The following DEPTOR variants were observed in gnomAD, a reference collection of about 807,000 sequenced individuals.
DEPTOR encodes DEP domain containing MTOR interacting protein, also known as DEP domain-containing mTOR-interacting protein.
A neutral mutation model predicts 41.6 loss-of-function variants in DEPTOR; 41 were observed. The observed-to-expected ratio is 0.98, with a 90% CI of 0.77 to 1.28. DEPTOR has a LOEUF of 1.28. DEPTOR is among the 50% of genes most tolerant of loss of function. The probability of loss-of-function intolerance (pLI) is 0.00; values close to 1 mark genes in which losing one functional copy is unlikely to be tolerated. For synonymous variants in DEPTOR, 195 were observed against 192.3 expected, an observed-to-expected ratio of 1.01 and a Z score of -0.12; for missense variants, 514 against 527.9, an observed-to-expected ratio of 0.97 and a Z score of 0.26.
intron 1 of DEPTOR, among the ~76,000 whole-genome samples, chr8:119,901,502 C>T (rs1487696074): frequency 6.6e-6 from 1 of 151,918 alleles, no homozygotes; most frequent in Non-Finnish European, 1.5e-5. Context: ...CAGTGAAGCC[C>T]CATCTCTACT....
intron 1 of DEPTOR, among the ~76,000 whole-genome samples, chr8:119,904,284 G>A (rs975212914): frequency 6.6e-6 from 1 of 151,452 alleles, no homozygotes; most frequent in Non-Finnish European, 1.5e-5. Context: ...ACGCCCAGCT[G>A]ATTTTTCTAT....
Position 119,998,312 on chromosome 8 carries a change from C to T in DEPTOR, c.605-3213C>T, listed in dbSNP as rs185837884. On this transcript the variant is annotated intron_variant, in intron 4 of 8. Transcript: ENST00000286234. ...TCTTGGCCAGGCTGGTCTCCAACTC[C>T]TGACCTCAAGTGATTCACCTGCCTT... Among the ~76,000 whole-genome samples, 197 of 152,350 alleles carry T rather than the reference C, an allele frequency of 1.3e-3. 2 individuals carry two copies. The highest frequency in any genetic ancestry group is 4.3e-3 in the African/African-American group (180 of 41,582).
At chr8:120,015,102 T>A (rs905382680) in intron 8 of DEPTOR, among the ~76,000 whole-genome samples, 1 of 152,132 alleles carries the variant, frequency 6.6e-6, no homozygotes, top group African/African-American at 2.4e-5. Context: ...GCACTCAAAA[T>A]ACTCTAATGG....
At chr8:120,012,680 G>T (rs957751042) in intron 8 of DEPTOR, among the ~76,000 whole-genome samples, 1 of 151,958 alleles carries the variant, frequency 6.6e-6, no homozygotes, top group African/African-American at 2.4e-5. Flanking sequence ...GGGACTACAG[G>T]CACGCACCAC....
At chr8:120,017,856 T>G (rs1180131790) in intron 8 of DEPTOR, among the ~76,000 whole-genome samples, 1 of 152,216 alleles carries the variant, frequency 6.6e-6, no homozygotes, top group Non-Finnish European at 1.5e-5. Flanking sequence ...CAGAGGGATT[T>G]CAAGCCTCCT....
At chr8:119,921,569 TCATACTCAG>T (rs1433297522) in intron 1 of DEPTOR, among the ~76,000 whole-genome samples, 1 of 152,066 alleles carries the variant, frequency 6.6e-6, no homozygotes, top group Non-Finnish European at 1.5e-5. Context: ...TTCCCCCCCA[TCATACTCAG>T]TTTTCTTAAA....
intron 1 of DEPTOR, among the ~76,000 whole-genome samples, chr8:119,923,094 CT>C (rs555179798): frequency 6.8e-4 from 104 of 152,220 alleles, no homozygotes; most frequent in Non-Finnish European, 1.0e-3. Context: ...TCACCTAGGT[CT>C]TCCCTGGAGC....
chr8:119,904,474 T>A (rs990997425), intron 1 of DEPTOR, among the ~76,000 whole-genome samples: 3 of 151,968 alleles, frequency 2.0e-5, no homozygotes, highest in African/African-American at 2.4e-5. Flanking sequence ...ATACATTTTT[T>A]AAAAAATTAA....
intron 3 of DEPTOR, among the ~76,000 whole-genome samples, chr8:119,954,680 C>T (rs1828395219): frequency 6.6e-6 from 1 of 152,022 alleles, no homozygotes; most frequent in African/African-American, 2.4e-5. Context: ...TATTTCTATT[C>T]TTGTACTGGC....
At chr8:119,943,337 A>G (rs1313151533) in intron 3 of DEPTOR, among the ~76,000 whole-genome samples, 3 of 152,354 alleles carry the variant, frequency 2.0e-5, no homozygotes, top group African/African-American at 7.2e-5. Context: ...ACAGTTCTGC[A>G]TGACTGGGGA....
intron 2 of DEPTOR, 59 bp from the exon 3 acceptor site, chr8:119,929,756 G>A: frequency 6.4e-7 from 1 of 1,554,890 alleles, no homozygotes; most frequent in Non-Finnish European, 8.7e-7. Flanking sequence ...CTTCGCTTGA[G>A]TAATTAAATA....
intron 4 of DEPTOR, among the ~76,000 whole-genome samples, chr8:119,994,271 G>T (rs1350642768): frequency 1.3e-5 from 2 of 152,034 alleles, no homozygotes; most frequent in African/African-American, 4.8e-5. Flanking sequence ...AGCCAAAATC[G>T]CACCACTCTG....
chr8:119,997,336 G>A (rs531251291), intron 4 of DEPTOR, among the ~76,000 whole-genome samples: 15 of 152,208 alleles, frequency 9.9e-5, no homozygotes, highest in African/African-American at 3.6e-4. Flanking sequence ...CTGGGATCAA[G>A]CGATCCTCCT....
At chr8:119,939,254 T>G (rs76264794) in intron 3 of DEPTOR, among the ~76,000 whole-genome samples, 4,816 of 152,320 alleles carry the variant, frequency 0.032, 80 homozygotes, top group Non-Finnish European at 0.043. Flanking sequence ...CTTTGTTGGC[T>G]CGCTCATCTT....
At chr8:120,020,955 A>T (rs1398385610) in intron 8 of DEPTOR, among the ~76,000 whole-genome samples, 3 of 151,914 alleles carry the variant, frequency 2.0e-5, no homozygotes, top group African/African-American at 7.3e-5. Flanking sequence ...ACTACTCGGG[A>T]GGCTGAGGCA....
rs140833583 is a variant in DEPTOR, at chr8:119,878,444, C to G, written c.122+4476C>G. Among the ~76,000 whole-genome samples, 5 of 151,978 alleles carry G rather than the reference C, an allele frequency of 3.3e-5. No homozygotes were observed. In the East Asian group the frequency reaches 9.7e-4, roughly 30 times the overall value. On this transcript the variant is annotated intron_variant, in intron 1 of 8. Transcript: ENST00000286234. ...AAGCGATTCTCCTGCCTCAGCCTCCCGAGTAGGTGGGATTACAGGTGCGTG... is the reference window on the plus strand; with the variant it reads ...AAGCGATTCTCCTGCCTCAGCCTCCGGAGTAGGTGGGATTACAGGTGCGTG...
Position 119,929,858 on chromosome 8 carries a change from CCGCT to C in DEPTOR, c.346_349del (p.Arg116LeufsTer14). ...AATTCAAGGATGTCAAACTCTTCTA[CCGCT>C]TTAGAAAGGATGACGGCACCTTCCC... On this transcript the variant is annotated frameshift_variant, in exon 3 of 9. Transcript: ENST00000286234. LOFTEE classifies it high-confidence loss of function. 1 of 1,613,780 alleles carries C rather than the reference CCGCT, an allele frequency of 6.2e-7. No homozygotes were observed. Among genetic ancestry groups the C allele is most frequent in the South Asian group, 1.1e-5 (1 of 91,058 alleles).
chr8:119,934,947 G>A (rs1828089892), intron 3 of DEPTOR, among the ~76,000 whole-genome samples: 1 of 152,170 alleles, frequency 6.6e-6, no homozygotes, highest in Admixed American at 6.5e-5. Flanking sequence ...GCCCGCATCA[G>A]ATATGAGTGT....
intron 8 of DEPTOR, among the ~76,000 whole-genome samples, chr8:120,019,238 G>A (rs1348573973): frequency 1.3e-5 from 2 of 152,166 alleles, no homozygotes; most frequent in Non-Finnish European, 2.9e-5. Flanking sequence ...CCAGGAGGAG[G>A]AGGTTGCAGT....
Sources: gnomAD v4.1 joint callset for allele counts (sites outside exome capture counted in the v4.1 genomes callset) on GRCh38, gnomAD v4.1.1 for gene constraint, MANE v1.5 for transcripts, NCBI Gene and HGNC (gene_info 2026-07-23, HGNC 2026-07-21) for gene names.